The following PTPRD variants were observed in gnomAD, a reference collection of about 807,000 sequenced individuals.
The protein encoded by PTPRD is receptor-type tyrosine-protein phosphatase delta.
A neutral mutation model predicts 214.5 loss-of-function variants in PTPRD; 34 were observed. The observed-to-expected ratio is 0.16, with a 90% CI of 0.12 to 0.21. The LOEUF is 0.21. Among genes scored for constraint, PTPRD ranks in the 10% least tolerant of loss-of-function variants. The pLI is 1.00. For missense variants in PTPRD, 2,545 were observed against 2,398.7 expected, an observed-to-expected ratio of 1.06 and a Z score of -1.27; for synonymous variants, 1,128 against 845.7, an observed-to-expected ratio of 1.33 and a Z score of -5.79.
chr9:10,294,060 G>C (rs1318264612), intron 3 of PTPRD, among the ~76,000 whole-genome samples: 1 of 151,892 alleles, frequency 6.6e-6, no homozygotes. Context: ...AATCTACAAA[G>C]TTCTATCGAC....
chr9:9,053,301 G>T (rs1256146574), intron 10 of PTPRD, among the ~76,000 whole-genome samples: 1 of 151,970 alleles, frequency 6.6e-6, no homozygotes, highest in Non-Finnish European at 1.5e-5. Flanking sequence ...TATTAATAGG[G>T]CTATTAAGAA....
At chr9:8,719,344 T>A (rs1156843375) in intron 12 of PTPRD, among the ~76,000 whole-genome samples, 1 of 152,240 alleles carries the variant, frequency 6.6e-6, no homozygotes, top group Non-Finnish European at 1.5e-5. Flanking sequence ...TCTATGTTTA[T>A]CAAGAGATGT....
chr9:10,548,117 A>G (rs1401546897), intron 2 of PTPRD, among the ~76,000 whole-genome samples: 1 of 152,156 alleles, frequency 6.6e-6, no homozygotes, highest in East Asian at 1.9e-4. Flanking sequence ...AAAGCTTAAA[A>G]AAAGAGGTAA....
chr9:9,008,521 C>A (rs752808441), intron 11 of PTPRD, among the ~76,000 whole-genome samples: 2 of 151,996 alleles, frequency 1.3e-5, no homozygotes, highest in African/African-American at 4.8e-5. Flanking sequence ...CCACCGCGCC[C>A]GGCCTCCCCT....
chr9:9,072,280 TAC>T (rs201508445), intron 10 of PTPRD, among the ~76,000 whole-genome samples: 16,991 of 135,302 alleles, frequency 0.13, 1,012 homozygotes, highest in East Asian at 0.21. Flanking sequence ...GCTGGCAACT[TAC>T]ACACACACAC....
intron 10 of PTPRD, among the ~76,000 whole-genome samples, chr9:9,077,176 G>C (rs1052515676): frequency 4.8e-5 from 7 of 146,866 alleles, no homozygotes; most frequent in African/African-American, 1.5e-4. Flanking sequence ...TTTCTGTAGA[G>C]TTGGTTGAGC....
intron 2 of PTPRD, among the ~76,000 whole-genome samples, chr9:10,381,726 T>G (rs2097829040): frequency 6.6e-6 from 1 of 151,950 alleles, no homozygotes; most frequent in Admixed American, 6.6e-5. Context: ...TACAGATTTT[T>G]TGGCTCTGTG....
At chr9:8,853,793 G>C (rs2097861821) in intron 11 of PTPRD, among the ~76,000 whole-genome samples, 1 of 152,122 alleles carries the variant, frequency 6.6e-6, no homozygotes, top group Non-Finnish European at 1.5e-5. Flanking sequence ...TAAAACACTG[G>C]TTTTGCTTGA....
rs560549016 is a variant in PTPRD, at chr9:10,230,573, A to C, written c.-545+110390T>G. Among the ~76,000 whole-genome samples, 10 of 151,978 alleles carry C rather than the reference A, an allele frequency of 6.6e-5. No individual in the cohort carries two copies. The South Asian group carries it at 1.5e-3, about 22-fold the overall frequency. Reference sequence around the variant, plus strand: ...TGGTTCCTTGGACCCTGAGATTTATACCTGTTTTCCTTCTGCCTAATATGC... The same window carrying C: ...TGGTTCCTTGGACCCTGAGATTTATCCCTGTTTTCCTTCTGCCTAATATGC... On this transcript the variant is annotated intron_variant, in intron 3 of 45. Transcript: ENST00000381196.
At chr9:8,843,238 G>T (rs142344858) in intron 11 of PTPRD, among the ~76,000 whole-genome samples, 1 of 152,148 alleles carries the variant, frequency 6.6e-6, no homozygotes, top group Non-Finnish European at 1.5e-5. Flanking sequence ...ACTTCACATC[G>T]GGCTGGTACA....
At chr9:8,401,436 G>A (rs1179457054) in intron 36 of PTPRD, among the ~76,000 whole-genome samples, 1 of 152,164 alleles carries the variant, frequency 6.6e-6, no homozygotes, top group Non-Finnish European at 1.5e-5. Context: ...TAGAGGGGAT[G>A]CCAATGGTAA....
intron 14 of PTPRD, among the ~76,000 whole-genome samples, chr9:8,632,139 GTGTGTGTGTC>G (rs1018341240): frequency 4.3e-4 from 63 of 146,494 alleles, no homozygotes; most frequent in Middle Eastern, 3.4e-3. Context: ...GTGTGTGTGT[GTGTGTGTGTC>G]TGTGTGTGTG....
chr9:8,373,785 G>A (rs769552613), intron 39 of PTPRD, among the ~76,000 whole-genome samples: 44 of 151,292 alleles, frequency 2.9e-4, no homozygotes, highest in Non-Finnish European at 5.3e-4. Context: ...TCTACAGAGG[G>A]TGAAATGCAT....
At chr9:9,607,068 C>G (rs190599234) in intron 7 of PTPRD, among the ~76,000 whole-genome samples, 1 of 149,132 alleles carries the variant, frequency 6.7e-6, no homozygotes, top group Non-Finnish European at 1.5e-5. Context: ...TGGAAACTCC[C>G]CAACACAAAG....
chr9:10,231,552 G>A lies in PTPRD; in HGVS notation c.-545+109411C>T, dbSNP rs557112129. On this transcript the variant is annotated intron_variant, in intron 3 of 45. Transcript: ENST00000381196. ...TGGGATGGGGGTGGAGATGGAGGTG[G>A]GGTAGGGAGGAGGTGGTGCACATAC... Among the ~76,000 whole-genome samples, 28 of 151,846 alleles carry A rather than the reference G, an allele frequency of 1.8e-4. No homozygotes were observed. In the Middle Eastern group the frequency reaches 0.01, roughly 55 times the overall value.
chr9:10,188,819 G>A (rs2099349437), intron 3 of PTPRD, among the ~76,000 whole-genome samples: 1 of 152,092 alleles, frequency 6.6e-6, no homozygotes, highest in Non-Finnish European at 1.5e-5. Context: ...GACACTATGA[G>A]TACAACAATT....
intron 12 of PTPRD, among the ~76,000 whole-genome samples, chr9:8,701,792 C>T (rs933791064): frequency 6.6e-6 from 1 of 152,180 alleles, no homozygotes; most frequent in Non-Finnish European, 1.5e-5. Context: ...TACCACAATA[C>T]TATCTCAGTT....
At chr9:9,348,078 CT>C (rs2049591609) in intron 9 of PTPRD, among the ~76,000 whole-genome samples, 1 of 152,098 alleles carries the variant, frequency 6.6e-6, no homozygotes, top group African/African-American at 2.4e-5. Context: ...CACAATCAAG[CT>C]AGAGAGTTGA....
intron 8 of PTPRD, among the ~76,000 whole-genome samples, chr9:9,546,988 A>G (rs2078952818): frequency 1.3e-5 from 2 of 151,908 alleles, no homozygotes; most frequent in Non-Finnish European, 1.5e-5. Flanking sequence ...AATAAAAATA[A>G]AAAGACAAAA....
Sources: gnomAD v4.1 joint callset for allele counts (sites outside exome capture counted in the v4.1 genomes callset) on GRCh38, gnomAD v4.1.1 for gene constraint, MANE v1.5 for transcripts, NCBI Gene and HGNC (gene_info 2026-07-23, HGNC 2026-07-21) for gene names.